INTS6: variants seen among roughly 807,000 people sequenced by gnomAD.
INTS6 encodes integrator complex subunit 6.
A neutral mutation model predicts 104.9 loss-of-function variants in INTS6; 16 were observed. The observed-to-expected ratio is 0.15, with a 90% CI of 0.10 to 0.23. INTS6 has a LOEUF of 0.23. Among genes scored for constraint, INTS6 ranks in the 10% least tolerant of loss-of-function variants. The pLI is 1.00. For synonymous variants in INTS6, 324 were observed against 358.7 expected (o/e 0.90, Z 1.09); for missense variants, 584 against 1,062.8 (o/e 0.55, Z 6.26).
rs757475785 is a variant in INTS6 at position 51,382,022 on chromosome 13, T to C, written c.1275+7A>G. ...GGCCAACAAGTTCTTTTAAATAATA[T>C]TCTTACCCCAAGATAGTAGGGAGGC... On this transcript the variant is annotated splice_region_variant and intron_variant, in intron 10 of 17. Transcript: ENST00000311234. 1.9e-6 allele frequency: 3 copies of C among 1,588,498 alleles called. No individual in the cohort carries two copies. In the South Asian group the frequency reaches 3.3e-5, roughly 18 times the overall value.
the INTS6 span, among the ~76,000 whole-genome samples, chr13:51,347,545 C>T: frequency 2.2e-4 from 33 of 152,282 alleles, no homozygotes; most frequent in South Asian, 6.2e-4. Context: ...CACAATAGGC[C>T]GGGATTGAAT....
intron 7 of INTS6, chr13:51,384,854 G>A (rs1956111378): frequency 2.7e-6 from 1 of 365,828 alleles, no homozygotes; most frequent in African/African-American, 2.1e-5. Context: ...TTTAATTTGG[G>A]CCTTCATCAT....
intron 4 of INTS6, among the ~76,000 whole-genome samples, chr13:51,397,596 C>T (rs1956361831): frequency 6.6e-6 from 1 of 152,192 alleles, no homozygotes; most frequent in African/African-American, 2.4e-5. Context: ...TAAGCAAGCA[C>T]TACTTACATC....
chr13:51,387,120 G>A (rs1013626165), intron 7 of INTS6, among the ~76,000 whole-genome samples: 7 of 152,122 alleles, frequency 4.6e-5, no homozygotes, highest in South Asian at 4.1e-4. Context: ...AGGAAATTTT[G>A]AACCCAGAAG....
At chr13:51,400,324 T>A (rs189885873) in intron 4 of INTS6, among the ~76,000 whole-genome samples, 6 of 152,378 alleles carry the variant, frequency 3.9e-5, no homozygotes, top group Admixed American at 3.3e-4. Context: ...TTTAGTGGTA[T>A]CTTTTGATAA....
chr13:51,406,661 C>G (rs1956573147), intron 4 of INTS6, among the ~76,000 whole-genome samples: 1 of 152,098 alleles, frequency 6.6e-6, no homozygotes, highest in Non-Finnish European at 1.5e-5. Context: ...AAATAAAACC[C>G]TTGGATGGCT....
At chr13:51,450,414 GTC>G in intron 3 of INTS6, 3 of 966,626 alleles carry the variant, frequency 3.1e-6, no homozygotes, top group Non-Finnish European at 3.7e-6. Context: ...TTTTCCAGCA[GTC>G]TTTTTTTCCA....
Position 51,368,954 on chromosome 13 carries a change from G to T in INTS6, c.2461C>A (p.Arg821=). 6.3e-7 allele frequency: 1 copy of T among 1,583,078 alleles called. No homozygotes were observed. The highest frequency in any genetic ancestry group is 1.2e-5 in the South Asian group (1 of 85,644). Residue 821 remains arginine, a synonymous_variant, in exon 16 of 18, where the codon CGA becomes AGA. Coordinates refer to ENST00000311234, the MANE Select transcript of INTS6 (RefSeq NM_012141.3). ...TTATACATACTTCTTCCTGGCTTTC[G>T]GATCTCTTTCATTATTTGTGCTTTT... ...ELKAQIMKEI[R]KPGRKYERIF...
intron 4 of INTS6, among the ~76,000 whole-genome samples, chr13:51,424,003 T>G (rs1238977083): frequency 1.3e-5 from 2 of 152,062 alleles, no homozygotes; most frequent in African/African-American, 2.4e-5. Flanking sequence ...GGCATGTGTA[T>G]TCTATAAGGC....
At chr13:51,347,960 C>T in the INTS6 span, among the ~76,000 whole-genome samples, 115 of 152,200 alleles carry the variant, frequency 7.6e-4, no homozygotes, top group Non-Finnish European at 9.9e-4. Context: ...CCATCGTCCC[C>T]CCCCCCATAC....
chr13:51,394,483 G>A (rs139013799), intron 5 of INTS6, among the ~76,000 whole-genome samples: 15 of 152,170 alleles, frequency 9.9e-5, no homozygotes, highest in East Asian at 1.9e-4. Flanking sequence ...TCTCATTAGC[G>A]CACCAACTGT....
chr13:51,335,030 A>G, the INTS6 span, among the ~76,000 whole-genome samples: 26 of 152,060 alleles, frequency 1.7e-4, no homozygotes, highest in Non-Finnish European at 2.5e-4. Context: ...GTAGTTATGA[A>G]AGCAATTTGG....
the INTS6 span, chr13:51,344,288 C>T: frequency 1.2e-6 from 2 of 1,613,912 alleles, no homozygotes; most frequent in East Asian, 2.2e-5. Flanking sequence ...GCTGTTTATG[C>T]CACACTACCC....
intron 10 of INTS6, among the ~76,000 whole-genome samples, chr13:51,380,787 G>T (rs71436250): frequency 3.4e-4 from 51 of 151,998 alleles, no homozygotes; most frequent in Non-Finnish European, 5.3e-4. Context: ...CACATTATTG[G>T]TTTTACCTAC....
chr13:51,431,566 CATATT>C (rs1470377284), intron 3 of INTS6, among the ~76,000 whole-genome samples: 1 of 152,106 alleles, frequency 6.6e-6, no homozygotes, highest in African/African-American at 2.4e-5. Flanking sequence ...CAATTCCTAA[CATATT>C]ATAATATATA....
At chr13:51,375,372 T>C (rs1164737557) in intron 13 of INTS6, among the ~76,000 whole-genome samples, 1 of 146,996 alleles carries the variant, frequency 6.8e-6, no homozygotes, top group Non-Finnish European at 1.5e-5. Context: ...AAAAAAAGTA[T>C]GTGTGATCTT....
At chr13:51,361,325 G>A, downstream of INTS6, 2 of 1,610,418 alleles carry the variant, frequency 1.2e-6, no homozygotes, top group Non-Finnish European at 1.7e-6. Context: ...GGCCAAGATT[G>A]AAGTTTTGGA....
chr13:51,451,766 G>A (rs1303283991), intron 2 of INTS6, among the ~76,000 whole-genome samples: 2 of 150,596 alleles, frequency 1.3e-5, no homozygotes, highest in Non-Finnish European at 1.5e-5. Context: ...CGGGCCGGGA[G>A]GGGACGGCGG....
At chr13:51,449,397 A>G (rs7997510) in intron 3 of INTS6, 364,566 of 870,414 alleles carry the variant, frequency 0.42, 78,841 homozygotes, top group African/African-American at 0.66. Context: ...CTGGGGGCAG[A>G]TATCAACTGG....
Sources: allele counts gnomAD v4.1 joint callset (sites outside exome capture counted in the v4.1 genomes callset), GRCh38; gene constraint gnomAD v4.1.1; transcripts MANE v1.5; gene names NCBI Gene and HGNC (gene_info 2026-07-23, HGNC 2026-07-21).